The following ZNF335 variants were observed in gnomAD, a reference collection of about 807,000 sequenced individuals.
The protein encoded by ZNF335 is zinc finger protein 335.
Under a neutral mutation model 145.6 loss-of-function variants are expected in ZNF335, and 84 were observed. The ratio of observed to expected loss-of-function variants is 0.58; its 90% CI spans 0.48 to 0.69. ZNF335 has a LOEUF of 0.69. ZNF335 is among the 30% of genes least tolerant of loss of function. The pLI is 0.00. For synonymous variants in ZNF335, 761 were observed against 717.0 expected, an observed-to-expected ratio of 1.06 and a Z score of -0.98; for missense variants, 1,865 against 1,809.7, an observed-to-expected ratio of 1.03 and a Z score of -0.55.
intron 2 of ZNF335, among the ~76,000 whole-genome samples, chr20:45,970,622 T>C (rs2084041371): frequency 6.6e-6 from 1 of 152,168 alleles, no homozygotes; most frequent in Non-Finnish European, 1.5e-5. Context: ...TGCAAGAGGA[T>C]GTCTGGTGGG....
intron 23 of ZNF335, 41 bp downstream of exon 23, chr20:45,949,923 CCT>C: frequency 6.2e-7 from 1 of 1,614,106 alleles, no homozygotes; most frequent in African/African-American, 1.3e-5. Context: ...TACCCCAACC[CCT>C]GCCTGTCGCT....
intron 20 of ZNF335, among the ~76,000 whole-genome samples, chr20:45,950,996 G>C (rs142951058): frequency 0.012 from 1,799 of 152,226 alleles, 34 homozygotes; most frequent in African/African-American, 0.041. Context: ...GGGTTCAAGC[G>C]ATTCTCCCGC....
At chr20:45,953,293 C>CG (rs1470961469) in intron 18 of ZNF335, among the ~76,000 whole-genome samples, 3 of 152,092 alleles carry the variant, frequency 2.0e-5, no homozygotes, top group Non-Finnish European at 4.4e-5. Flanking sequence ...TGAGCTTGCT[C>CG]GGAGTGTCAG....
chr20:45,964,904 G>A (rs1362433442), intron 7 of ZNF335, among the ~76,000 whole-genome samples: 2 of 151,876 alleles, frequency 1.3e-5, no homozygotes, highest in Non-Finnish European at 2.9e-5. Context: ...GGTGGTGGGC[G>A]CCTGTGATCC....
At chr20:45,950,897 ATT>A (rs879918101) in intron 20 of ZNF335, among the ~76,000 whole-genome samples, 1 of 147,604 alleles carries the variant, frequency 6.8e-6, no homozygotes, top group Admixed American at 6.8e-5. Flanking sequence ...CGGGCCCTGA[ATT>A]TTTTTTTTTT....
chr20:45,960,809 C>T (rs2083829350), intron 11 of ZNF335, 55 bp downstream of exon 11: 2 of 1,613,674 alleles, frequency 1.2e-6, no homozygotes, highest in Non-Finnish European at 1.7e-6. Flanking sequence ...TTGTCCTCAC[C>T]CCCATAAACA....
At chr20:45,970,504 C>T (rs1326269955) in intron 2 of ZNF335, among the ~76,000 whole-genome samples, 1 of 152,184 alleles carries the variant, frequency 6.6e-6, no homozygotes, top group Non-Finnish European at 1.5e-5. Context: ...GGTATATTTA[C>T]CATTCCCACT....
At chr20:45,956,916 A>G (rs1179937818) in intron 17 of ZNF335, among the ~76,000 whole-genome samples, 1 of 152,236 alleles carries the variant, frequency 6.6e-6, no homozygotes, top group Non-Finnish European at 1.5e-5. Flanking sequence ...AAATTTTCCT[A>G]TCTAAAAATG....
chr20:45,957,510 C>T, intron 17 of ZNF335, 76 bp downstream of exon 17: 1 of 1,398,526 alleles, frequency 7.2e-7, no homozygotes, highest in East Asian at 2.3e-5. Context: ...CACTGTTTTC[C>T]TCTAGTCCCA....
Position 45,948,903 on chromosome 20 carries a change from C to A in ZNF335, c.*50G>T. 6.2e-7 allele frequency: 1 copy of A among 1,612,762 alleles called. No homozygotes were observed. The highest frequency in any genetic ancestry group is 8.5e-7 in the Non-Finnish European group (1 of 1,179,872). On this transcript the variant is annotated 3_prime_UTR_variant, in exon 28 of 28. Transcript: ENST00000322927. Reference sequence around the variant, plus strand: ...GAGGTGAGTCCTGGTGGCCCCCTACCCCCAGGAGAGCTGGCCGCAAATCCA... The same window carrying A: ...GAGGTGAGTCCTGGTGGCCCCCTACACCCAGGAGAGCTGGCCGCAAATCCA...
chr20:45,968,093 T>C, intron 4 of ZNF335, 66 bp from the exon 5 acceptor site: 1 of 1,580,262 alleles, frequency 6.3e-7, no homozygotes, highest in Non-Finnish European at 8.7e-7. Flanking sequence ...GAGCTATAGC[T>C]ACCCCTCCCA....
chr20:45,952,771 C>T, intron 18 of ZNF335, 62 bp from the exon 19 acceptor site: 1 of 1,450,124 alleles, frequency 6.9e-7, no homozygotes, highest in Non-Finnish European at 9.6e-7. Flanking sequence ...CTTCCCCAAG[C>T]AACAGGCATC....
At chr20:45,949,299 T>A in intron 26 of ZNF335, 34 bp downstream of exon 26, 5 of 1,614,032 alleles carry the variant, frequency 3.1e-6, no homozygotes, top group Non-Finnish European at 4.2e-6. Flanking sequence ...AACCTGCCTG[T>A]GCCCCAGGTC....
chr20:45,950,558 T>C lies in ZNF335; in HGVS notation c.3227A>G (p.Gln1076Arg), dbSNP rs1246559815. The change falls in exon 21 of 28, where the codon CAG becomes CGG. Residue 1076 changes from glutamine to arginine, a missense_variant. By Grantham distance (43) the Gln-to-Arg change is conservative. Coordinates refer to ENST00000322927, the MANE Select transcript of ZNF335 (RefSeq NM_022095.4). ...GGAGGCAAAGCTGCACTGGCTACAC[T>C]GGTGGGGCCGTAGGCTTGAGTGCTG... ...MAQHSSLRPHQCSQCSFASKN... is the reference protein window; with the variant it reads ...MAQHSSLRPHRCSQCSFASKN... The C allele has an allele frequency of 3.7e-6, 6 of 1,614,084 alleles. No homozygotes were observed. The highest frequency in any genetic ancestry group is 2.2e-5 in the South Asian group (2 of 91,092).
chr20:45,952,863 T>C (rs1159928929), intron 18 of ZNF335, among the ~76,000 whole-genome samples, 154 bp from the exon 19 acceptor site: 1 of 152,198 alleles, frequency 6.6e-6, no homozygotes, highest in Non-Finnish European at 1.5e-5. Flanking sequence ...TGTTACCAAA[T>C]GACCCTCTAC....
chr20:45,960,552 G>T lies in ZNF335; in HGVS notation c.1783-27C>A, dbSNP rs1291941697. ...TGTGAGGGGTGGAGAGCAGTGAGAT[G>T]GCGATCACCCTCCATCACCCAGGGG... On this transcript the variant is annotated intron_variant, in intron 12 of 27. Transcript: ENST00000322927. 5 of 1,614,020 alleles carry T rather than the reference G, an allele frequency of 3.1e-6. No homozygotes were observed. The South Asian group carries it at 5.5e-5, about 18-fold the overall frequency.
rs1399714771 is a variant in ZNF335, at chr20:45,967,447, T to A, written c.955+47A>T. On this transcript the variant is annotated intron_variant, in intron 6 of 27. Coordinates refer to ENST00000322927, the MANE Select transcript of ZNF335 (RefSeq NM_022095.4). Reference sequence around the variant, plus strand: ...TCCAAGTGAAAGCTCAGTGAGTATGTCTAGATGGGCATAGGGATGGCAGGC... The same window carrying A: ...TCCAAGTGAAAGCTCAGTGAGTATGACTAGATGGGCATAGGGATGGCAGGC... 1.9e-6 allele frequency: 3 copies of A among 1,613,780 alleles called. No homozygotes were observed. In the African/African-American group the frequency reaches 4.0e-5, roughly 22 times the overall value.
chr20:45,960,820 AC>A (rs757833111), intron 11 of ZNF335, 43 bp downstream of exon 11: 4 of 1,612,154 alleles, frequency 2.5e-6, no homozygotes, highest in African/African-American at 1.3e-5. Flanking sequence ...CCCATAAACA[AC>A]CCCCGGGCAG....
intron 20 of ZNF335, among the ~76,000 whole-genome samples, 185 bp from the exon 21 acceptor site, chr20:45,950,780 C>CT (rs2083616960): frequency 6.6e-6 from 1 of 152,198 alleles, no homozygotes; most frequent in South Asian, 2.1e-4. Flanking sequence ...CTGCTGTGTC[C>CT]TAAGAATGAA....
Sources: allele counts gnomAD v4.1 joint callset (sites outside exome capture counted in the v4.1 genomes callset), GRCh38; gene constraint gnomAD v4.1.1; transcripts MANE v1.5; gene names NCBI Gene and HGNC (gene_info 2026-07-23, HGNC 2026-07-21).